Variants in ZNF322 observed in about 807,000 individuals in gnomAD.
ZNF322 encodes the protein HLA complex group 12.
In ZNF322, 1 loss-of-function variant was observed where a neutral mutation model predicts 18.3. The ratio of observed to expected loss-of-function variants is 0.05; its 90% CI spans 0.02 to 0.26. The LOEUF is 0.26. Ranked by LOEUF, ZNF322 falls within the 10% of genes least tolerant of loss-of-function variation. The pLI is 1.00. For synonymous variants in ZNF322, 17 were observed against 130.7 expected, an observed-to-expected ratio of 0.13 and a Z score of 5.93; for missense variants, 36 against 403.6, an observed-to-expected ratio of 0.09 and a Z score of 7.80.
At position 26,641,104 on chromosome 6, in the gene ZNF322, AAC is replaced by A. The variant is rs1180616692; in HGVS notation, c.-175-2378_-175-2377del. Among the ~76,000 whole-genome samples, 5 of 152,354 alleles carry A rather than the reference AAC, an allele frequency of 3.3e-5. No individual in the cohort carries two copies. The East Asian group carries it at 7.7e-4, about 23-fold the overall frequency. On this transcript the variant is annotated intron_variant, in intron 3 of 3. Coordinates refer to ENST00000415922, the MANE Select transcript of ZNF322 (RefSeq NM_024639.5). ...CATTCTGTTTCATCAATTTGTTAAC[AAC>A]AGTTTTCTAATTTCCATTCAGCAAT...
At chr6:26,638,804 A>G in intron 3 of ZNF322, 76 bp from the exon 4 acceptor site, 1 of 519,138 alleles carries the variant, frequency 1.9e-6, no homozygotes, top group South Asian at 2.8e-5. Context: ...ATCACTGCAG[A>G]AAAGACAAAC....
rs1765333172 is a variant in ZNF322 at position 26,635,231 on chromosome 6, ACT to A, written c.*2112_*2113del. 2.7e-5 allele frequency: 1 copy of A among 36,556 alleles called. No individual in the cohort carries two copies. Among genetic ancestry groups the A allele is most frequent in the South Asian group, 1.7e-3 (1 of 586 alleles). The allele number at this position is 36,556 out of a possible 1,614,324, so 2.3% of individuals were successfully genotyped here. A position where few individuals can be genotyped will look rare whatever the true frequency, so the allele number is the denominator to read the frequency against. ...CAACTCCATGAATCCAAATGGCAAT[ACT>A]CTCTGAAGTTCAGGGATCTGCTAGG... On this transcript the variant is annotated 3_prime_UTR_variant, in exon 4 of 4. Transcript: ENST00000415922.
Position 26,649,702 on chromosome 6 carries a change from T to TA in ZNF322, c.-245-5975_-245-5974insT, listed in dbSNP as rs1491481825. Among the ~76,000 whole-genome samples the TA allele has an allele frequency of 5.0e-3, 442 of 89,024 alleles. 9 individuals carry two copies. The highest frequency in any genetic ancestry group is 7.0e-3 in the Non-Finnish European group (326 of 46,672). 58.4% of individuals were successfully genotyped at this position (89,024 alleles called of 152,430 possible). ...ATATATATATATATATATATATATA[T>TA]TTTTTTTTTTTTTTTTTTGAGACTG... On this transcript the variant is annotated intron_variant, in intron 2 of 3. Coordinates refer to ENST00000415922, the MANE Select transcript of ZNF322 (RefSeq NM_024639.5).
intron 2 of ZNF322, among the ~76,000 whole-genome samples, chr6:26,649,680 T>C (rs1302403501): frequency 8.6e-5 from 2 of 23,166 alleles, no homozygotes; most frequent in Admixed American, 9.7e-4. Context: ...TGTGTGTATA[T>C]ATATATATAT....
chr6:26,649,698 TATA>T (rs1408152407), intron 2 of ZNF322, among the ~76,000 whole-genome samples: 867 of 68,802 alleles, frequency 0.013, 64 homozygotes, highest in African/African-American at 0.036. Flanking sequence ...TATATATATA[TATA>T]TTTTTTTTTT....
chr6:26,644,513 T>C (rs1765521027), intron 2 of ZNF322, among the ~76,000 whole-genome samples: 1 of 152,208 alleles, frequency 6.6e-6, no homozygotes, highest in African/African-American at 2.4e-5. Context: ...ATGTCACAGA[T>C]GTCATCCCAT....
chr6:26,644,664 C>CT (rs1338811476), intron 2 of ZNF322, among the ~76,000 whole-genome samples: 1 of 152,048 alleles, frequency 6.6e-6, no homozygotes, highest in Non-Finnish European at 1.5e-5. Flanking sequence ...TTTTTTCCCC[C>CT]TTTTGGTCCT....
chr6:26,647,546 AAT>A (rs1765578401), intron 2 of ZNF322, among the ~76,000 whole-genome samples: 2 of 151,584 alleles, frequency 1.3e-5, no homozygotes, highest in Non-Finnish European at 2.9e-5. Context: ...TATATAAATA[AAT>A]ATGATTAACT....
chr6:26,652,852 G>A (rs782368043), intron 2 of ZNF322, among the ~76,000 whole-genome samples: 3 of 152,172 alleles, frequency 2.0e-5, no homozygotes, highest in Non-Finnish European at 4.4e-5. Context: ...GGGGGATGCT[G>A]TGTGTGCTAT....
At chr6:26,642,383 T>A (rs1765481149) in intron 3 of ZNF322, among the ~76,000 whole-genome samples, 1 of 152,122 alleles carries the variant, frequency 6.6e-6, no homozygotes, top group South Asian at 2.1e-4. Context: ...CTTTTCTTCC[T>A]CTATATTTTG....
chr6:26,649,686 TATATATATATATATA>T (rs1561924898), intron 2 of ZNF322, among the ~76,000 whole-genome samples: 529 of 83,790 alleles, frequency 6.3e-3, no homozygotes, highest in Non-Finnish European at 8.6e-3. Context: ...TATATATATA[TATATATATATATATA>T]TTTTTTTTTT....
intron 2 of ZNF322, among the ~76,000 whole-genome samples, chr6:26,648,159 A>C (rs1448870496): frequency 1.3e-5 from 2 of 152,194 alleles, no homozygotes; most frequent in African/African-American, 4.8e-5. Context: ...CTATCTTTCA[A>C]TATGAGGAAA....
chr6:26,640,147 T>C (rs1383175128), intron 3 of ZNF322, among the ~76,000 whole-genome samples: 2 of 152,174 alleles, frequency 1.3e-5, no homozygotes, highest in Non-Finnish European at 2.9e-5. Context: ...CAGGCTGTTG[T>C]CCCATTTCTC....
chr6:26,642,275 A>G (rs558785604), intron 3 of ZNF322, among the ~76,000 whole-genome samples: 1 of 152,166 alleles, frequency 6.6e-6, no homozygotes, highest in East Asian at 1.9e-4. Flanking sequence ...CATCCCCCTC[A>G]CCAAGATAGT....
chr6:26,653,135 C>G (rs557189421), intron 2 of ZNF322, among the ~76,000 whole-genome samples: 2 of 151,682 alleles, frequency 1.3e-5, no homozygotes, highest in African/African-American at 2.4e-5. Flanking sequence ...ACTGGTAAGT[C>G]TATAAAAAAA....
At position 26,634,870 on chromosome 6, in the gene ZNF322, T is replaced by C. The variant is rs868980175; in HGVS notation, c.*2475A>G. On this transcript the variant is annotated 3_prime_UTR_variant, in exon 4 of 4. Transcript: ENST00000415922. Reference sequence around the variant, plus strand: ...AAGTAGCCGTAAGGACTACTTTTCATCACCACCATGCCTCACACCCAATAC... The same window carrying C: ...AAGTAGCCGTAAGGACTACTTTTCACCACCACCATGCCTCACACCCAATAC... 62 of 29,584 alleles carry C rather than the reference T, an allele frequency of 2.1e-3. 1 individual carries two copies. Among genetic ancestry groups the C allele is most frequent in the South Asian group, 0.019 (15 of 770 alleles). The allele number at this position is 29,584 out of a possible 1,614,324, so 1.8% of individuals were successfully genotyped here. A position where few individuals can be genotyped will look rare whatever the true frequency, so the allele number is the denominator to read the frequency against.
At chr6:26,658,857 C>G (rs188809085) in intron 1 of ZNF322, 2 of 152,184 alleles carry the variant, frequency 1.3e-5, no homozygotes, top group Non-Finnish European at 2.9e-5. Flanking sequence ...CAGCTCTAGA[C>G]AAAATGTCAA....
intron 2 of ZNF322, chr6:26,651,619 G>T (rs1384425942): frequency 6.6e-6 from 1 of 152,134 alleles, no homozygotes; most frequent in African/African-American, 2.4e-5. Flanking sequence ...AATGGTATGT[G>T]AGGTAATATA....
At chr6:26,658,081 C>CATTT (rs1765813803) in intron 2 of ZNF322, among the ~76,000 whole-genome samples, 6 of 151,664 alleles carry the variant, frequency 4.0e-5, no homozygotes, top group Admixed American at 1.3e-4. Flanking sequence ...GGAAATTTCT[C>CATTT]ATTTATTTTT....
Sources: allele counts gnomAD v4.1 joint callset (sites outside exome capture counted in the v4.1 genomes callset), GRCh38; gene constraint gnomAD v4.1.1; transcripts MANE v1.5; gene names NCBI Gene and HGNC (gene_info 2026-07-23, HGNC 2026-07-21).